ZRANB3: variants seen among roughly 807,000 people sequenced by gnomAD.
The protein encoded by ZRANB3 is zinc finger RANBP2-type containing 3.
ZRANB3 carries 125 observed loss-of-function variants against 133.8 expected under a neutral mutation model. That is an observed-to-expected ratio of 0.93 (90% CI 0.81 to 1.08). ZRANB3 has a LOEUF of 1.08. Ranked by LOEUF, ZRANB3 falls within the 50% of genes least tolerant of loss-of-function variation. The pLI is 0.00. For missense variants in ZRANB3, 1,229 were observed against 1,275.5 expected (o/e 0.96, Z 0.56); for synonymous variants, 387 against 432.7 (o/e 0.89, Z 1.31).
chr2:135,523,285 C>T (rs563427968), intron 1 of ZRANB3, among the ~76,000 whole-genome samples: 26 of 152,302 alleles, frequency 1.7e-4, no homozygotes, highest in African/African-American at 6.3e-4. Flanking sequence ...AGTTCCACTG[C>T]TATCACCAAA....
At chr2:135,286,385 C>T (rs951870883) in intron 8 of ZRANB3, among the ~76,000 whole-genome samples, 1 of 152,230 alleles carries the variant, frequency 6.6e-6, no homozygotes, top group Non-Finnish European at 1.5e-5. Context: ...TCACGCAATT[C>T]TCCTTCCTCA....
chr2:135,384,898 G>A (rs1686892071), intron 3 of ZRANB3, among the ~76,000 whole-genome samples: 1 of 152,112 alleles, frequency 6.6e-6, no homozygotes, highest in South Asian at 2.1e-4. Context: ...TACTGAATGG[G>A]CAAAAACTGG....
At chr2:135,379,857 G>A (rs551039356) in intron 3 of ZRANB3, among the ~76,000 whole-genome samples, 25 of 151,626 alleles carry the variant, frequency 1.6e-4, no homozygotes, top group Non-Finnish European at 2.4e-4. Flanking sequence ...TTAAAAGACA[G>A]AAACTGGCAA....
intron 1 of ZRANB3, chr2:135,511,539 A>C: frequency 2.0e-6 from 2 of 1,024,990 alleles, no homozygotes; most frequent in East Asian, 2.4e-5. Context: ...CAAAGACCTC[A>C]TCTTGCTATC....
chr2:135,460,821 AAAAT>A (rs1232936861), intron 2 of ZRANB3, among the ~76,000 whole-genome samples: 1 of 152,176 alleles, frequency 6.6e-6, no homozygotes, highest in Non-Finnish European at 1.5e-5. Flanking sequence ...TTTTTGCCTT[AAAAT>A]AAATATATTT....
intron 2 of ZRANB3, among the ~76,000 whole-genome samples, chr2:135,413,364 C>A: frequency 6.6e-6 from 1 of 152,220 alleles, no homozygotes; most frequent in East Asian, 1.9e-4. Context: ...GTACAACATC[C>A]TAATTCAAAG....
rs1378392527 is a variant in ZRANB3, at chr2:135,271,878, T to C, written c.1096A>G (p.Ile366Val). 1.2e-6 allele frequency: 2 copies of C among 1,612,910 alleles called. No individual in the cohort carries two copies. Among genetic ancestry groups the C allele is most frequent in the South Asian group, 2.2e-5 (2 of 90,726 alleles). Residue 366 changes from isoleucine to valine, a missense_variant, in exon 10 of 21, where the codon ATT becomes GTT. Coordinates refer to ENST00000264159, the MANE Select transcript of ZRANB3 (RefSeq NM_032143.4). ...GATGAAACACTTCCATCTATCCTAA[T>C]GTAACGAGTCTAGCATCAACAAGGA... ...EAVIENKTRY[I>V]RIDGSVSSSE...
intron 8 of ZRANB3, among the ~76,000 whole-genome samples, chr2:135,296,798 C>T (rs1682139559): frequency 6.6e-6 from 1 of 152,158 alleles, no homozygotes; most frequent in African/African-American, 2.4e-5. Flanking sequence ...TTCTAACAGT[C>T]AGGACCGTCA....
intron 12 of ZRANB3, among the ~76,000 whole-genome samples, chr2:135,261,228 G>C (rs534642731): frequency 1.3e-5 from 2 of 152,146 alleles, no homozygotes; most frequent in African/African-American, 4.8e-5. Context: ...CAAATTCATA[G>C]GAAAATTCCC....
In ZRANB3 at chr2:135,265,665, G is replaced by A; in HGVS notation, c.1408C>T (p.Leu470=). 1 of 1,613,290 alleles carries A rather than the reference G, an allele frequency of 6.2e-7. No homozygotes were observed. The highest frequency in any genetic ancestry group is 1.1e-5 in the South Asian group (1 of 90,908). The change falls in exon 12 of 21, where the codon CTG becomes TTG. Residue 470 remains leucine (L), a synonymous_variant. Coordinates refer to ENST00000264159, the MANE Select transcript of ZRANB3 (RefSeq NM_032143.4). ...TGAATTTTTTCTTTCCTACCGTTCA[G>A]TGTGCTCCCTGTAACTTGAGCCTAC... The part of the protein sequence containing the change: ...NRKAQVTGST[L]NGRKEKIQAE...
intron 9 of ZRANB3, among the ~76,000 whole-genome samples, chr2:135,273,664 G>A (rs1243198577): frequency 7.2e-5 from 11 of 151,838 alleles, no homozygotes; most frequent in Non-Finnish European, 1.5e-4. Context: ...CCAGCCTCCC[G>A]AGTAGCTGGG....
At chr2:135,394,927 G>C (rs1346097139) in intron 2 of ZRANB3, among the ~76,000 whole-genome samples, 2 of 119,552 alleles carry the variant, frequency 1.7e-5, no homozygotes, top group South Asian at 2.6e-4. Flanking sequence ...GATCAGCCTG[G>C]ACAACATAGC....
At chr2:135,295,402 C>G (rs1360658636) in intron 8 of ZRANB3, among the ~76,000 whole-genome samples, 2 of 152,074 alleles carry the variant, frequency 1.3e-5, no homozygotes, top group African/African-American at 4.8e-5. Flanking sequence ...ATTGCAACCC[C>G]TGCCTTTTTT....
At position 135,228,164 on chromosome 2, in the gene ZRANB3, G is replaced by C. The variant is rs1694833745; in HGVS notation, c.1955-149C>G. On this transcript the variant is annotated intron_variant, in intron 13 of 20. Coordinates refer to ENST00000264159, the MANE Select transcript of ZRANB3 (RefSeq NM_032143.4). ...TTATCAGGAGCATACTATATACCCA[G>C]TACTATTCTAGATGCTGAAGAGACA... 6 of 649,110 alleles carry C rather than the reference G, an allele frequency of 9.2e-6. No homozygotes were observed. The South Asian group carries it at 1.4e-4, about 15-fold the overall frequency. 40.2% of individuals were successfully genotyped at this position (649,110 alleles called of 1,614,324 possible). A position where few individuals can be genotyped will look rare whatever the true frequency, so the allele number is the denominator to read the frequency against.
At position 135,322,947 on chromosome 2, in the gene ZRANB3, G is replaced by A. The variant is rs539905784; in HGVS notation, c.678-7417C>T. On this transcript the variant is annotated intron_variant, in intron 6 of 20. Transcript: ENST00000264159. ...CATGAGAATTGTTTGAACCTGGGAG[G>A]CACAGGTTGCAGTGAGCCAAGATCG... 2.6e-5 allele frequency among the ~76,000 whole-genome samples: 4 copies of A among 151,846 alleles called. No individual in the cohort carries two copies. In the South Asian group the frequency reaches 8.3e-4, roughly 32 times the overall value.
At chr2:135,344,494 G>A (rs6720305) in intron 6 of ZRANB3, among the ~76,000 whole-genome samples, 18,280 of 152,146 alleles carry the variant, frequency 0.12, 1,367 homozygotes, top group South Asian at 0.32. Context: ...CCAGCACTTC[G>A]GGAGGTCAAG....
chr2:135,292,377 G>C (rs1437560625), intron 8 of ZRANB3, among the ~76,000 whole-genome samples: 2 of 152,078 alleles, frequency 1.3e-5, no homozygotes, highest in South Asian at 2.1e-4. Context: ...TGTGTCTTTT[G>C]GCTGCATAAA....
intron 2 of ZRANB3, among the ~76,000 whole-genome samples, chr2:135,461,624 A>C (rs1213609126): frequency 6.6e-6 from 1 of 152,202 alleles, no homozygotes; most frequent in Non-Finnish European, 1.5e-5. Context: ...GTCTTTTGCT[A>C]TAGATAATTA....
intron 8 of ZRANB3, among the ~76,000 whole-genome samples, chr2:135,299,024 G>GGGGCAT (rs1682302027): frequency 6.6e-6 from 1 of 152,138 alleles, no homozygotes; most frequent in Non-Finnish European, 1.5e-5. Flanking sequence ...AAAGTCCCTG[G>GGGGCAT]ACAAGTATTC....
Sources: allele counts gnomAD v4.1 joint callset (sites outside exome capture counted in the v4.1 genomes callset), GRCh38; gene constraint gnomAD v4.1.1; transcripts MANE v1.5; gene names NCBI Gene and HGNC (gene_info 2026-07-23, HGNC 2026-07-21).